The following COL20A1 variants were observed in gnomAD, a reference collection of about 807,000 sequenced individuals.
The protein encoded by COL20A1 is collagen type XX alpha 1 chain.
A neutral mutation model predicts 152.9 loss-of-function variants in COL20A1; 164 were observed. The ratio of observed to expected loss-of-function variants is 1.07; its 90% confidence interval spans 0.94 to 1.22. The LOEUF (loss-of-function observed/expected upper bound fraction) is 1.22. Ranked by LOEUF, COL20A1 falls within the 50% of genes most tolerant of loss-of-function variation. COL20A1 has a pLI of 0.00. For synonymous variants in COL20A1, 864 were observed against 756.0 expected (o/e 1.14, Z -2.34); for missense variants, 1,873 against 1,744.8 (o/e 1.07, Z -1.31).
chr20:63,311,326 G>T lies in COL20A1; in HGVS notation c.1394-68G>T. 7 of 1,456,744 alleles carry T rather than the reference G, an allele frequency of 4.8e-6. No homozygotes were observed. Among genetic ancestry groups the T allele is most frequent in the Non-Finnish European group, 6.4e-6 (7 of 1,093,406 alleles). 90.2% of individuals were successfully genotyped at this position (1,456,744 alleles called of 1,614,324 possible). ...CCGTGCCCACCCACTCTGGTGTGAG[G>T]GTGCCCCGTGCGTGGGTGTGATCTC... On this transcript the variant is annotated intron_variant, in intron 11 of 35. Coordinates refer to ENST00000358894, the MANE Select transcript of COL20A1 (RefSeq NM_020882.4). This position sits in a 1 kb window ranked among gnomAD's most constrained non-coding sequence, Gnocchi z 4.4.
chr20:63,325,533 G>T, intron 28 of COL20A1, 39 bp downstream of exon 28: 2 of 1,595,904 alleles, frequency 1.3e-6, no homozygotes, highest in East Asian at 2.2e-5. Flanking sequence ...GGGGTTGGTG[G>T]GGGTGGGGGA....
chr20:63,311,313 A>T lies in COL20A1; in HGVS notation c.1394-81A>T. On this transcript the variant is annotated intron_variant, in intron 11 of 35. Transcript: ENST00000358894. The surrounding 1 kb of genome is among the most constrained non-coding windows in gnomAD (Gnocchi z 4.4). ...TGCCAGGCGGTGGCCGTGCCCACCC[A>T]CTCTGGTGTGAGGGTGCCCCGTGCG... 1 of 1,407,496 alleles carries T rather than the reference A, an allele frequency of 7.1e-7. No homozygotes were observed. The highest frequency in any genetic ancestry group is 9.5e-7 in the Non-Finnish European group (1 of 1,056,392). 87.2% of individuals were successfully genotyped at this position (1,407,496 alleles called of 1,614,324 possible).
intron 11 of COL20A1, among the ~76,000 whole-genome samples, chr20:63,310,824 TG>T (rs1015213007): frequency 2.6e-5 from 4 of 152,112 alleles, no homozygotes; most frequent in Non-Finnish European, 5.9e-5. Flanking sequence ...CTTAGCTCGC[TG>T]GGTTCTTGGA....
chr20:63,311,557 GT>G lies in COL20A1; in HGVS notation c.1539+19del. ...AGCGAGAGGTGAGCTGGGCCGGGGG[GT>G]GGCGGGGGAGGCAGAGGAGTGGGGC... is the stretch of plus-strand genomic sequence containing the variant. On this transcript the variant is annotated intron_variant, in intron 12 of 35. Transcript: ENST00000358894. The surrounding 1 kb of genome is among the most constrained non-coding windows in gnomAD (Gnocchi z 4.4). 6.2e-7 allele frequency: 1 copy of G among 1,604,838 alleles called. No individual in the cohort carries two copies. The highest frequency in any genetic ancestry group is 8.5e-7 in the Non-Finnish European group (1 of 1,176,646).
intron 3 of COL20A1, among the ~76,000 whole-genome samples, chr20:63,302,811 A>G (rs1436864950): frequency 2.6e-5 from 4 of 152,238 alleles, no homozygotes; most frequent in Admixed American, 6.5e-5. Context: ...TTCTCTTGCC[A>G]GTGGCATCTT....
At chr20:63,328,886 C>T (rs558286642) in intron 34 of COL20A1, among the ~76,000 whole-genome samples, 1 of 151,448 alleles carries the variant, frequency 6.6e-6, no homozygotes, top group Admixed American at 6.6e-5. Context: ...CTGCTTCCTC[C>T]GCCTCTCCCC....
At position 63,305,362 on chromosome 20, in the gene COL20A1, C is replaced by A; in HGVS notation, c.194-55C>A. On this transcript the variant is annotated intron_variant, in intron 3 of 35. Coordinates refer to ENST00000358894, the MANE Select transcript of COL20A1 (RefSeq NM_020882.4). The surrounding 1 kb of genome is among the most constrained non-coding windows in gnomAD (Gnocchi z 4.9). ...AAGAGGGTTTCACTCCCCGCCGTGA[C>A]AGATGCACACACGTGTGCACCTTGG... 2 of 1,351,628 alleles carry A rather than the reference C, an allele frequency of 1.5e-6. No homozygotes were observed. Among genetic ancestry groups the A allele is most frequent in the Non-Finnish European group, 1.9e-6 (2 of 1,040,078 alleles). 83.7% of individuals were successfully genotyped at this position (1,351,628 alleles called of 1,614,324 possible).
Position 63,332,684 on chromosome 20 carries a change from C to T in COL20A1, c.*1968C>T, listed in dbSNP as rs968784591. 6.6e-6 allele frequency: 1 copy of T among 152,330 alleles called. No homozygotes were observed. Among genetic ancestry groups the T allele is most frequent in the African/African-American group, 2.4e-5 (1 of 41,466 alleles). The allele number at this position is 152,330 out of a possible 1,614,324, so 9.4% of individuals were successfully genotyped here. ...CACCCCCTCAGCTGCCCTACCCCCGCCACGCTGGTGTGACACCAGTGATGC... is the reference window on the plus strand; with the variant it reads ...CACCCCCTCAGCTGCCCTACCCCCGTCACGCTGGTGTGACACCAGTGATGC... On this transcript the variant is annotated 3_prime_UTR_variant, in exon 36 of 36. Coordinates refer to ENST00000358894, the MANE Select transcript of COL20A1 (RefSeq NM_020882.4).
Position 63,329,614 on chromosome 20 carries a change from A to T in COL20A1, c.3811A>T (p.Ser1271Cys). Residue 1271 changes from serine (S) to cysteine (C), a missense_variant, in exon 35 of 36, where the codon AGC (serine) becomes TGC (cysteine). Physicochemically the swap from Ser to Cys is moderately radical, Grantham distance 112. Coordinates refer to ENST00000358894, the MANE Select transcript of COL20A1 (RefSeq NM_020882.4). ...GCCTGGAGCTGTTGGTCAGATGGGC[A>T]GCCCTGGGCAGCAGGGGGCTAGCAC... ...GEPGAVGQMG[S>C]PGQQGASTQG... The T allele has an allele frequency of 6.2e-7, 1 of 1,607,898 alleles. No individual in the cohort carries two copies.
At chr20:63,323,615 A>G (rs988683248) in intron 27 of COL20A1, among the ~76,000 whole-genome samples, 6 of 152,180 alleles carry the variant, frequency 3.9e-5, no homozygotes, top group African/African-American at 1.4e-4. Context: ...TTACACAGCC[A>G]GCCCCTTGCA....
rs1412087906 is a variant in COL20A1, at chr20:63,313,287, G to T, written c.2209+38G>T. 6.3e-7 allele frequency: 1 copy of T among 1,581,628 alleles called. No individual in the cohort carries two copies. Among genetic ancestry groups the T allele is most frequent in the Non-Finnish European group, 8.6e-7 (1 of 1,160,524 alleles). ...CCACTTCCCCTCTGCTGGGTGTGGG[G>T]CAGGGATGGCCCAGGGGATCCCTGA... is the stretch of plus-strand genomic sequence containing the variant. On this transcript the variant is annotated intron_variant, in intron 17 of 35. Coordinates refer to ENST00000358894, the MANE Select transcript of COL20A1 (RefSeq NM_020882.4). The surrounding 1 kb of genome is among the most constrained non-coding windows in gnomAD (Gnocchi z 5.9).
intron 3 of COL20A1, among the ~76,000 whole-genome samples, chr20:63,304,830 AGGTCTGACTGCT>A (rs1396957743): frequency 2.6e-5 from 4 of 152,132 alleles, no homozygotes; most frequent in African/African-American, 9.7e-5. Context: ...GTGCCTCTCC[AGGTCTGACTGCT>A]GCCTCCTGAG....
In COL20A1 at chr20:63,305,320, G is replaced by A; in HGVS notation, c.194-97G>A. The A allele has an allele frequency of 1.0e-6, 1 of 995,506 alleles. No homozygotes were observed. Among genetic ancestry groups the A allele is most frequent in the Non-Finnish European group, 1.4e-6 (1 of 733,942 alleles). 61.7% of individuals were successfully genotyped at this position (995,506 alleles called of 1,614,324 possible). A position where few individuals can be genotyped will look rare whatever the true frequency, so the allele number is the denominator to read the frequency against. ...CTCTGGCTTCAAGGGGAGCAGCTGG[G>A]GTGGGGAGGAGGAGCCAAGAGGGTT... On this transcript the variant is annotated intron_variant, in intron 3 of 35. Coordinates refer to ENST00000358894, the MANE Select transcript of COL20A1 (RefSeq NM_020882.4). The surrounding 1 kb of genome is among the most constrained non-coding windows in gnomAD (Gnocchi z 4.9).
intron 10 of COL20A1, 115 bp from the exon 11 acceptor site, chr20:63,310,266 T>C: frequency 8.5e-7 from 1 of 1,171,674 alleles, no homozygotes; most frequent in Non-Finnish European, 1.2e-6. Flanking sequence ...CTGTGGGAAG[T>C]GGGGCACCCT....
At chr20:63,310,042 G>C in intron 10 of COL20A1, 127 bp downstream of exon 10, 3 of 916,866 alleles carry the variant, frequency 3.3e-6, no homozygotes, top group Non-Finnish European at 4.8e-6. Context: ...GGGGTGTCGA[G>C]GGGCTGACAG....
intron 3 of COL20A1, among the ~76,000 whole-genome samples, chr20:63,304,466 T>C (rs1212601085): frequency 3.6e-5 from 4 of 109,968 alleles, no homozygotes; most frequent in African/African-American, 1.1e-4. Flanking sequence ...CCTCCAGGTG[T>C]GCAGGTGTGG....
intron 6 of COL20A1, 45 bp downstream of exon 6, chr20:63,307,693 C>T (rs768591996): frequency 6.3e-7 from 1 of 1,581,100 alleles, no homozygotes; most frequent in South Asian, 1.1e-5. Flanking sequence ...CGGGTGTGGT[C>T]CCCACAGCTC....
At chr20:63,312,699 G>A in intron 15 of COL20A1, 93 bp from the exon 16 acceptor site, 1 of 1,459,612 alleles carries the variant, frequency 6.9e-7, no homozygotes, top group African/African-American at 1.4e-5. Flanking sequence ...GTGATGGATG[G>A]GGGTATAGGG....
rs765585805 is a variant in COL20A1 at position 63,309,717 on chromosome 20, G to A, written c.1106-41G>A. On this transcript the variant is annotated intron_variant, in intron 9 of 35. Coordinates refer to ENST00000358894, the MANE Select transcript of COL20A1 (RefSeq NM_020882.4). ...AGGGGGAGCGTGGACACAGCTGCCCGTGCAGTGACCACCTGCCCCCCACTC... is the reference window on the plus strand; with the variant it reads ...AGGGGGAGCGTGGACACAGCTGCCCATGCAGTGACCACCTGCCCCCCACTC... 2.7e-5 allele frequency: 40 copies of A among 1,505,408 alleles called. No individual in the cohort carries two copies. The East Asian group carries it at 4.9e-4, about 18-fold the overall frequency. The allele number at this position is 1,505,408 out of a possible 1,614,324, so 93.3% of individuals were successfully genotyped here. A position where few individuals can be genotyped will look rare whatever the true frequency, so the allele number is the denominator to read the frequency against.
Sources: gnomAD v4.1 joint callset for allele counts (sites outside exome capture counted in the v4.1 genomes callset) on GRCh38, gnomAD v4.1.1 for gene constraint, Gnocchi (gnomAD v3.1) non-coding constraint, MANE v1.5 for transcripts, NCBI Gene and HGNC (gene_info 2026-07-23, HGNC 2026-07-21) for gene names.